Variants in STAG3 observed in about 807,000 individuals in gnomAD.
The protein encoded by STAG3 is cohesin subunit SA-3.
In STAG3, 101 loss-of-function variants were observed where a neutral mutation model predicts 160.7. The observed-to-expected ratio is 0.63, with a 90% confidence interval of 0.54 to 0.74. The LOEUF is 0.74. STAG3 is among the 30% of genes least tolerant of loss of function. The pLI is 0.00. For synonymous variants in STAG3, 519 were observed against 585.0 expected (o/e 0.89, Z 1.63); for missense variants, 1,188 against 1,517.4 (o/e 0.78, Z 3.61).
intron 9 of STAG3, among the ~76,000 whole-genome samples, chr7:100,196,059 G>A (rs1392178800): frequency 6.6e-6 from 1 of 151,998 alleles, no homozygotes; most frequent in Non-Finnish European, 1.5e-5. Context: ...AACCCAGGAG[G>A]TGGAGGTTGC....
chr7:100,189,806 C>A (rs2117164511), intron 8 of STAG3, among the ~76,000 whole-genome samples: 1 of 151,954 alleles, frequency 6.6e-6, no homozygotes, highest in South Asian at 2.1e-4. Flanking sequence ...ATTTAGAGTT[C>A]TCTCTAATTC....
intron 26 of STAG3, 112 bp downstream of exon 26, chr7:100,204,234 C>G: frequency 1.2e-6 from 1 of 800,972 alleles, no homozygotes. Flanking sequence ...CTTGTTTTGA[C>G]TCTTAACTTT....
At chr7:100,208,240 A>C (rs1213260337) in intron 29 of STAG3, among the ~76,000 whole-genome samples, 1 of 152,162 alleles carries the variant, frequency 6.6e-6, no homozygotes, top group African/African-American at 2.4e-5. Flanking sequence ...GTACCACCTA[A>C]AATTATGTCT....
rs528268006 is a variant in STAG3 at position 100,198,332 on chromosome 7, A to C, written c.1245-143A>C. ...ATATTTCTGTCTTCTCTAACTCCCCATACTCCTTTGTCTTCCGCTCTTCAT... is the reference window on the plus strand; with the variant it reads ...ATATTTCTGTCTTCTCTAACTCCCCCTACTCCTTTGTCTTCCGCTCTTCAT... On this transcript the variant is annotated intron_variant, in intron 12 of 33. Transcript: ENST00000615138. 7.5e-4 allele frequency: 832 copies of C among 1,108,952 alleles called. 1 individual carries two copies. The highest frequency in any genetic ancestry group is 1.0e-3 in the South Asian group (82 of 80,086). The allele number at this position is 1,108,952 out of a possible 1,614,324, so 68.7% of individuals were successfully genotyped here.
intron 5 of STAG3, among the ~76,000 whole-genome samples, chr7:100,187,513 C>T (rs2117134286): frequency 6.6e-6 from 1 of 152,214 alleles, no homozygotes. Context: ...TTGTACAGGC[C>T]TGGGTACTTT....
intron 22 of STAG3, 23 bp from the exon 23 acceptor site, chr7:100,201,926 C>T (rs367946504): frequency 1.2e-6 from 2 of 1,613,956 alleles, no homozygotes; most frequent in Non-Finnish European, 1.7e-6. Context: ...TCATTCTTCC[C>T]CTTCAAGCCA....
downstream of STAG3, among the ~76,000 whole-genome samples, chr7:100,215,809 G>T (rs993506447): frequency 6.6e-6 from 1 of 152,104 alleles, no homozygotes; most frequent in African/African-American, 2.4e-5. Context: ...CTTGAATATG[G>T]GCTTTGTGAT....
chr7:100,202,613 TAAAAG>T lies in STAG3; in HGVS notation c.2700+25_2700+29del, dbSNP rs770524430. The T allele has an allele frequency of 6.5e-5, 104 of 1,603,392 alleles. No individual in the cohort carries two copies. The African/African-American group carries it at 1.2e-3, about 18-fold the overall frequency. Reference sequence around the variant, plus strand: ...AAGGTACACCAAGGCCCTACAGAAATAAAAGAGAAGGGAGCAAGTTGAGCACAGCC... The same window carrying T: ...AAGGTACACCAAGGCCCTACAGAAATAGAAGGGAGCAAGTTGAGCACAGCC... On this transcript the variant is annotated intron_variant, in intron 25 of 33. Transcript: ENST00000615138.
chr7:100,197,971 G>A, intron 11 of STAG3, 95 bp downstream of exon 11: 1 of 1,501,630 alleles, frequency 6.7e-7, no homozygotes, highest in Non-Finnish European at 9.3e-7. Context: ...AGATGTCTTG[G>A]CTATCCCAGC....
At chr7:100,184,717 C>T (rs1201075021) in intron 4 of STAG3, among the ~76,000 whole-genome samples, 1 of 152,066 alleles carries the variant, frequency 6.6e-6, no homozygotes, top group African/African-American at 2.4e-5. Context: ...CCGCCGGCCT[C>T]GGCCTTCCAA....
intron 29 of STAG3, 23 bp downstream of exon 29, chr7:100,205,407 G>A (rs1238956685): frequency 6.4e-7 from 1 of 1,572,576 alleles, no homozygotes; most frequent in Admixed American, 2.0e-5. Flanking sequence ...GTGTGGGTAT[G>A]GGGGTGCCCA....
chr7:100,178,757 T>G (rs975155806), intron 1 of STAG3, among the ~76,000 whole-genome samples: 1 of 151,998 alleles, frequency 6.6e-6, no homozygotes, highest in Non-Finnish European at 1.5e-5. Flanking sequence ...CCAAACCCAC[T>G]GCCCAGTTTC....
intron 21 of STAG3, 53 bp from the exon 22 acceptor site, chr7:100,201,733 G>A (rs1385388746): frequency 6.7e-7 from 1 of 1,499,714 alleles, no homozygotes; most frequent in Non-Finnish European, 9.3e-7. Flanking sequence ...CTGGCTATCT[G>A]TCTCTCCCTC....
rs6960458 is a variant in STAG3, at chr7:100,186,091, G to T, written c.337-109G>T. ...AGTTCACCAGTACATTGTGAAAGATGTTTTAAATGTTTTACAGAAGTTTAG... is the reference window on the plus strand; with the variant it reads ...AGTTCACCAGTACATTGTGAAAGATTTTTTAAATGTTTTACAGAAGTTTAG... On this transcript the variant is annotated intron_variant, in intron 4 of 33. Transcript: ENST00000615138. The T allele has an allele frequency of 0.3, 271,994 of 902,996 alleles. 44,944 individuals carry two copies. Among genetic ancestry groups the T allele is most frequent in the East Asian group, 0.61 (24,912 of 40,950 alleles). The allele number at this position is 902,996 out of a possible 1,614,324, so 55.9% of individuals were successfully genotyped here.
intron 30 of STAG3, 121 bp downstream of exon 30, chr7:100,211,306 CA>C: frequency 1.4e-6 from 2 of 1,474,762 alleles, no homozygotes; most frequent in Non-Finnish European, 1.8e-6. Context: ...GGGTTCTTCT[CA>C]AACCCTTCTC....
chr7:100,204,813 C>G lies in STAG3; in HGVS notation c.2951+38C>G, dbSNP rs760640012. The stretch of plus-strand genomic sequence containing the variant: ...GGTTGCAGGTTGTGTCCAGGGAGGG[C>G]TGGGAACGAGGTCTTGGAGGGAGGT... On this transcript the variant is annotated intron_variant, in intron 27 of 33. Coordinates refer to ENST00000615138, the MANE Select transcript of STAG3 (RefSeq NM_001282717.2). 2.5e-6 allele frequency: 4 copies of G among 1,608,490 alleles called. No individual in the cohort carries two copies. The Admixed American group carries it at 6.7e-5, about 27-fold the overall frequency.
chr7:100,207,601 T>C lies in STAG3; in HGVS notation c.3238+2217T>C, dbSNP rs566098621. On this transcript the variant is annotated intron_variant, in intron 29 of 33. Coordinates refer to ENST00000615138, the MANE Select transcript of STAG3 (RefSeq NM_001282717.2). The surrounding 1 kb of genome is among the most constrained non-coding windows in gnomAD (Gnocchi z 4.0). ...ATTGTTGAGTTGTAAGTATTCTTTA[T>C]ATATTCTAGACATGAGATTCCTTAT... is the stretch of plus-strand genomic sequence containing the variant. Among the ~76,000 whole-genome samples the C allele has an allele frequency of 1.3e-5, 2 of 152,362 alleles. No individual in the cohort carries two copies. Among genetic ancestry groups the C allele is most frequent in the East Asian group, 3.9e-4 (2 of 5,194 alleles).
intron 7 of STAG3, 22 bp from the exon 8 acceptor site, chr7:100,189,423 A>G (rs1562970865): frequency 6.2e-7 from 1 of 1,603,486 alleles, no homozygotes; most frequent in African/African-American, 1.3e-5. Context: ...TGATTTCTTT[A>G]TCTCTTTTTC....
chr7:100,179,220 GC>G (rs1481104474), intron 1 of STAG3, among the ~76,000 whole-genome samples: 1 of 150,042 alleles, frequency 6.7e-6, no homozygotes, highest in Non-Finnish European at 1.5e-5. Flanking sequence ...TCTAGAGAGG[GC>G]TGTGTCTGAA....
Sources: allele counts gnomAD v4.1 joint callset (sites outside exome capture counted in the v4.1 genomes callset), GRCh38; gene constraint gnomAD v4.1.1; non-coding constraint Gnocchi (gnomAD v3.1); transcripts MANE v1.5; gene names NCBI Gene and HGNC (gene_info 2026-07-23, HGNC 2026-07-21).